Variants in KANK1 observed in about 807,000 individuals in gnomAD.
KANK1 encodes the protein KN motif and ankyrin repeat domain-containing protein 1.
KANK1 carries 109 observed loss-of-function variants against 106.2 expected under a neutral mutation model. The observed-to-expected ratio is 1.03, with a 90% CI of 0.88 to 1.20. The LOEUF is 1.20. KANK1 is among the 50% of genes most tolerant of loss of function. The pLI is 0.00. For missense variants in KANK1, 2,399 were observed against 1,710.7 expected, an observed-to-expected ratio of 1.40 and a Z score of -7.10; for synonymous variants, 873 against 652.2, an observed-to-expected ratio of 1.34 and a Z score of -5.16.
At chr9:602,362 C>T (rs554686435) in intron 1 of KANK1, among the ~76,000 whole-genome samples, 5 of 151,834 alleles carry the variant, frequency 3.3e-5, no homozygotes, top group African/African-American at 1.2e-4. Context: ...TGGGTTCAAG[C>T]GACTCTCCTG....
chr9:542,857 G>A (rs2060691566), intron 1 of KANK1, among the ~76,000 whole-genome samples: 2 of 152,018 alleles, frequency 1.3e-5, no homozygotes, highest in African/African-American at 4.8e-5. Context: ...TCTCACAGAA[G>A]CTGAGAGCGG....
rs555326629 is a variant in KANK1, at chr9:540,965, T to C, written c.-84+36211T>C. Among the ~76,000 whole-genome samples, 22 of 152,324 alleles carry C rather than the reference T, an allele frequency of 1.4e-4. No individual in the cohort carries two copies. In the East Asian group the frequency reaches 4.2e-3, roughly 29 times the overall value. On this transcript the variant is annotated intron_variant, in intron 1 of 11. Transcript: ENST00000382297. ...CTGGTTTCATTAATGTTCATTTTTT[T>C]CCTTCTGCTGACTTTGGGCTGTTCC...
rs115604905 is a variant in KANK1 at position 490,385 on chromosome 9, C to T, written c.-362+17112C>T. Among the ~76,000 whole-genome samples the T allele has an allele frequency of 6.0e-3, 906 of 152,266 alleles. 9 individuals are homozygous for T. Among genetic ancestry groups the T allele is most frequent in the African/African-American group, 0.02 (816 of 41,532 alleles). Reference sequence around the variant, plus strand: ...AAAAGCCAGGCACAGTGGTGCACACCTGTTGTCCCAGCTAGCTGGGAGCTG... The same window carrying T: ...AAAAGCCAGGCACAGTGGTGCACACTTGTTGTCCCAGCTAGCTGGGAGCTG... On this transcript the variant is annotated intron_variant, in intron 3 of 15. Transcript: ENST00000382303.
At chr9:633,077 T>G (rs746380430) in intron 1 of KANK1, among the ~76,000 whole-genome samples, 17 of 152,142 alleles carry the variant, frequency 1.1e-4, no homozygotes, top group Non-Finnish European at 2.1e-4. Context: ...CCTACCATTT[T>G]CTGTCCAATC....
intron 1 of KANK1, among the ~76,000 whole-genome samples, chr9:615,131 C>G (rs142067220): frequency 6.6e-6 from 1 of 152,074 alleles, no homozygotes; most frequent in African/African-American, 2.4e-5. Flanking sequence ...TAGAGGGTCT[C>G]CCTGTGTTGC....
At chr9:534,362 C>G (rs1333048105) in intron 1 of KANK1, among the ~76,000 whole-genome samples, 1 of 152,096 alleles carries the variant, frequency 6.6e-6, no homozygotes, top group East Asian at 1.9e-4. Context: ...AAATTTGTGC[C>G]TTAATCACAT....
chr9:688,086 G>A (rs1315824207), intron 2 of KANK1, among the ~76,000 whole-genome samples: 1 of 152,222 alleles, frequency 6.6e-6, no homozygotes, highest in East Asian at 1.9e-4. Context: ...AGCCCTGCCA[G>A]TTGCCAATCT....
chr9:653,875 A>C (rs529211193), intron 1 of KANK1, among the ~76,000 whole-genome samples: 1 of 152,322 alleles, frequency 6.6e-6, no homozygotes, highest in South Asian at 2.1e-4. Context: ...TTGTCATTCC[A>C]ATAAAAGTAA....
intron 2 of KANK1, chr9:677,752 G>A (rs778719044): frequency 2.0e-5 from 3 of 152,120 alleles, no homozygotes; most frequent in Non-Finnish European, 2.9e-5. Context: ...TTTTCTGAGC[G>A]TCTGAGTCCA....
rs36072780 is a variant in KANK1, at chr9:528,469, C to CTTTTTTTTTTTTTTTTTTTTTTTTT, written c.-84+23721_-84+23745dup. 4.7e-5 allele frequency among the ~76,000 whole-genome samples: 4 copies of CTTTTTTTTTTTTTTTTTTTTTTTTT among 85,124 alleles called. 1 individual carries two copies. Among genetic ancestry groups the CTTTTTTTTTTTTTTTTTTTTTTTTT allele is most frequent in the African/African-American group, 8.5e-5 (2 of 23,624 alleles). The allele number at this position is 85,124 out of a possible 152,430, so 55.8% of individuals were successfully genotyped here. On this transcript the variant is annotated intron_variant, in intron 1 of 11. Coordinates refer to ENST00000382297, the MANE Select transcript of KANK1 (RefSeq NM_015158.5). ...ACCATTTTACTGAATTAAAAAATAA[C>CTTTTTTTTTTTTTTTTTTTTTTTTT]TTTTTTTTTTTTTTTTTTTTTTTTT...
intron 2 of KANK1, among the ~76,000 whole-genome samples, chr9:688,340 T>A (rs1819032409): frequency 6.6e-6 from 1 of 152,228 alleles, no homozygotes; most frequent in South Asian, 2.1e-4. Flanking sequence ...GTGTGGTGGC[T>A]CATGCTTGTA....
At chr9:738,612 C>T (rs1423014661) in intron 8 of KANK1, 108 bp downstream of exon 8, 10 of 853,906 alleles carry the variant, frequency 1.2e-5, no homozygotes, top group Non-Finnish European at 1.7e-5. Flanking sequence ...ATGCTAAAAT[C>T]CTTTTTATTG....
In KANK1 at chr9:718,132, C is replaced by T. The variant is rs902241511; in HGVS notation, c.2698+4668C>T. Reference sequence around the variant, plus strand: ...ATAATATATCATTTACCTGTCTTAGCACTTGGCTTCTTAATCACTTTCTTT... The same window carrying T: ...ATAATATATCATTTACCTGTCTTAGTACTTGGCTTCTTAATCACTTTCTTT... On this transcript the variant is annotated intron_variant, in intron 3 of 11. Transcript: ENST00000382297. Among the ~76,000 whole-genome samples the T allele has an allele frequency of 8.5e-5, 13 of 152,142 alleles. No homozygotes were observed. The South Asian group carries it at 1.2e-3, about 15-fold the overall frequency.
chr9:691,877 A>C (rs57814193), intron 2 of KANK1, among the ~76,000 whole-genome samples: 30,124 of 150,568 alleles, frequency 0.2, 3,241 homozygotes, highest in Non-Finnish European at 0.23. Flanking sequence ...TCAGCTTGCC[A>C]AAGAATTGGG....
intron 1 of KANK1, among the ~76,000 whole-genome samples, chr9:628,779 G>T (rs1300036868): frequency 6.6e-6 from 1 of 152,024 alleles, no homozygotes; most frequent in East Asian, 1.9e-4. Flanking sequence ...CCTGATACCT[G>T]TTCAGTTTAC....
chr9:615,250 T>C (rs1025999279), intron 1 of KANK1, among the ~76,000 whole-genome samples: 1 of 152,238 alleles, frequency 6.6e-6, no homozygotes, highest in Non-Finnish European at 1.5e-5. Context: ...ATCATCTTTT[T>C]GATACCAACA....
intron 1 of KANK1, among the ~76,000 whole-genome samples, chr9:568,122 C>G (rs1818261659): frequency 6.6e-6 from 1 of 152,062 alleles, no homozygotes; most frequent in African/African-American, 2.4e-5. Flanking sequence ...GAGAGTGATC[C>G]TGTGTGAGAA....
chr9:506,685 T>C (rs983875035), intron 1 of KANK1, among the ~76,000 whole-genome samples: 2 of 152,220 alleles, frequency 1.3e-5, no homozygotes, highest in Non-Finnish European at 2.9e-5. Context: ...AATTGATACA[T>C]TCAAGACTAG....
chr9:703,198 G>C (rs948815102), intron 2 of KANK1, among the ~76,000 whole-genome samples: 5 of 151,868 alleles, frequency 3.3e-5, no homozygotes, highest in African/African-American at 9.7e-5. Context: ...CACCATGTTG[G>C]CCAGGCTGGT....
Sources: allele counts gnomAD v4.1 joint callset (sites outside exome capture counted in the v4.1 genomes callset), GRCh38; gene constraint gnomAD v4.1.1; transcripts MANE v1.5; gene names NCBI Gene and HGNC (gene_info 2026-07-23, HGNC 2026-07-21).